The following ARMC8 variants were observed in gnomAD, a reference collection of about 807,000 sequenced individuals.
ARMC8 encodes armadillo repeat-containing protein 8.
In ARMC8, 20 loss-of-function variants were observed where a neutral mutation model predicts 99.3. The ratio of observed to expected loss-of-function variants is 0.20; its 90% CI spans 0.14 to 0.29. The LOEUF (loss-of-function observed/expected upper bound fraction) is 0.29. Ranked by LOEUF, ARMC8 falls within the 10% of genes least tolerant of loss-of-function variation. The pLI is 1.00. For missense variants in ARMC8, 569 were observed against 809.5 expected, an observed-to-expected ratio of 0.70 and a Z score of 3.60; for synonymous variants, 263 against 278.3, an observed-to-expected ratio of 0.95 and a Z score of 0.55.
chr3:138,291,483 G>C (rs970447758), intron 21 of ARMC8, among the ~76,000 whole-genome samples: 19 of 152,208 alleles, frequency 1.2e-4, no homozygotes, highest in African/African-American at 3.6e-4. Context: ...GCCAGGCATT[G>C]TTTTAGGCAC....
At chr3:138,214,511 C>G (rs919991697) in intron 2 of ARMC8, among the ~76,000 whole-genome samples, 1 of 152,106 alleles carries the variant, frequency 6.6e-6, no homozygotes, top group African/African-American at 2.4e-5. Flanking sequence ...CATTTTCTTG[C>G]ATGAGCTAAA....
chr3:138,232,865 G>C (rs895439642), intron 6 of ARMC8, among the ~76,000 whole-genome samples: 1 of 152,226 alleles, frequency 6.6e-6, no homozygotes, highest in Non-Finnish European at 1.5e-5. Context: ...GAAAAACAAT[G>C]AGGTGCAAGA....
chr3:138,280,447 A>T (rs1183692603), intron 18 of ARMC8, among the ~76,000 whole-genome samples: 1 of 149,236 alleles, frequency 6.7e-6, no homozygotes, highest in African/African-American at 2.5e-5. Context: ...CCTCCCAAGT[A>T]GCTGGAATTA....
At chr3:138,231,635 G>A (rs543934960) in intron 6 of ARMC8, among the ~76,000 whole-genome samples, 18 of 152,216 alleles carry the variant, frequency 1.2e-4, no homozygotes, top group African/African-American at 4.3e-4. Context: ...ATGAGAGCTA[G>A]GCCAGGTGTG....
At chr3:138,257,950 A>C (rs931382620) in intron 12 of ARMC8, among the ~76,000 whole-genome samples, 3 of 152,178 alleles carry the variant, frequency 2.0e-5, no homozygotes, top group Non-Finnish European at 2.9e-5. Flanking sequence ...ATATTAAATG[A>C]CTGCGGCTTG....
intron 1 of ARMC8, among the ~76,000 whole-genome samples, chr3:138,202,721 T>A (rs1249024119): frequency 6.6e-6 from 1 of 152,218 alleles, no homozygotes; most frequent in African/African-American, 2.4e-5. Context: ...TTATTTGTTC[T>A]TTCTGCTACA....
At chr3:138,206,872 C>T (rs534691094) in intron 1 of ARMC8, among the ~76,000 whole-genome samples, 50 of 152,260 alleles carry the variant, frequency 3.3e-4, no homozygotes, top group African/African-American at 1.1e-3. Context: ...ATTATTTTTG[C>T]GTATACATAA....
chr3:138,201,475 T>C (rs1247514454), intron 1 of ARMC8, among the ~76,000 whole-genome samples: 1 of 94,826 alleles, frequency 1.1e-5, no homozygotes, highest in African/African-American at 4.0e-5. Context: ...TTTTTTTTTT[T>C]TTCCTGAGAC....
chr3:138,274,143 T>C (rs2049043240), intron 17 of ARMC8, among the ~76,000 whole-genome samples: 1 of 152,034 alleles, frequency 6.6e-6, no homozygotes, highest in South Asian at 2.1e-4. Flanking sequence ...CTTTAATATA[T>C]TTGGGTTTGA....
chr3:138,237,218 A>G (rs1481541127), intron 7 of ARMC8, 91 bp from the exon 8 acceptor site: 13 of 1,131,922 alleles, frequency 1.1e-5, no homozygotes, highest in Non-Finnish European at 1.3e-5. Flanking sequence ...GCAGATTTAC[A>G]TAATTTTTTA....
At chr3:138,229,928 C>G (rs964920000) in intron 6 of ARMC8, among the ~76,000 whole-genome samples, 3 of 152,144 alleles carry the variant, frequency 2.0e-5, no homozygotes, top group Admixed American at 6.5e-5. Flanking sequence ...AAGAGAACAC[C>G]TGGAAGACAC....
intron 12 of ARMC8, chr3:138,246,895 T>C (rs984974877): frequency 1.1e-6 from 1 of 873,382 alleles, no homozygotes; most frequent in African/African-American, 1.8e-5. Context: ...TTATAGTTTT[T>C]TGTGTGGTAA....
intron 15 of ARMC8, among the ~76,000 whole-genome samples, chr3:138,268,748 G>T (rs1380527450): frequency 6.6e-6 from 1 of 151,802 alleles, no homozygotes; most frequent in Non-Finnish European, 1.5e-5. Flanking sequence ...TGCACTCCAG[G>T]CTGGGCTTCA....
intron 12 of ARMC8, among the ~76,000 whole-genome samples, chr3:138,259,111 C>T (rs2047540843): frequency 6.6e-6 from 1 of 152,136 alleles, no homozygotes; most frequent in South Asian, 2.1e-4. Flanking sequence ...GACTTGGCAC[C>T]CTCCATCATA....
intron 1 of ARMC8, among the ~76,000 whole-genome samples, chr3:138,204,550 C>T (rs1216022857): frequency 6.6e-6 from 1 of 152,062 alleles, no homozygotes; most frequent in Non-Finnish European, 1.5e-5. Flanking sequence ...CTTCTTTTCC[C>T]ATTCTCTCTT....
At chr3:138,194,349 T>A (rs979465815) in intron 1 of ARMC8, among the ~76,000 whole-genome samples, 8 of 139,830 alleles carry the variant, frequency 5.7e-5, no homozygotes, top group Admixed American at 3.6e-4. Flanking sequence ...AGCTTTTTTT[T>A]TTTTTTTTTT....
chr3:138,272,605 G>C (rs1412789893), intron 16 of ARMC8, among the ~76,000 whole-genome samples: 1 of 152,200 alleles, frequency 6.6e-6, no homozygotes, highest in Non-Finnish European at 1.5e-5. Flanking sequence ...GGCCAAGCCT[G>C]GTGGCTCACA....
At position 138,273,078 on chromosome 3, in the gene ARMC8, A is replaced by G. The variant is rs1394283240; in HGVS notation, c.1591A>G (p.Thr531Ala). 2.5e-6 allele frequency: 4 copies of G among 1,613,186 alleles called. No homozygotes were observed. The highest frequency in any genetic ancestry group is 1.7e-5 in the Admixed American group (1 of 59,902). The part of the protein sequence containing the change: ...SDSDLNVLMK[T>A]LGLLRNLLST... ...TTCAGATTTGAATGTGCTGATGAAG[A>G]CATTGGGACTTCTTAGAAATCTCCT... is the stretch of plus-strand genomic sequence containing the variant. The change falls in exon 17 of 22, where the codon ACA becomes GCA. Residue 531 changes from threonine (T) to alanine (A), a missense_variant. Around this residue, in one of 2 missense-constraint regions of ARMC8, gnomAD observed 227 missense variants for 417.9 expected, o/e 0.54. Coordinates refer to ENST00000469044, the MANE Select transcript of ARMC8 (RefSeq NM_001363941.2).
At chr3:138,191,005 C>T (rs1016670984) in intron 1 of ARMC8, among the ~76,000 whole-genome samples, 4 of 152,154 alleles carry the variant, frequency 2.6e-5, no homozygotes, top group African/African-American at 9.7e-5. Context: ...AGAAGTGATG[C>T]TGAGCTGAAA....
Sources: allele counts gnomAD v4.1 joint callset (sites outside exome capture counted in the v4.1 genomes callset), GRCh38; gene constraint gnomAD v4.1.1; regional missense constraint gnomAD v4.1.1; transcripts MANE v1.5; gene names NCBI Gene and HGNC (gene_info 2026-07-23, HGNC 2026-07-21).